The following IQCH variants were observed in gnomAD, a reference collection of about 807,000 sequenced individuals.
IQCH encodes IQ domain-containing protein H.
IQCH carries 98 observed loss-of-function variants against 117.0 expected under a neutral mutation model. The observed-to-expected ratio is 0.84, with a 90% CI of 0.71 to 0.99. IQCH has a LOEUF of 0.99. Ranked by LOEUF, IQCH falls within the 50% of genes least tolerant of loss-of-function variation. The pLI is 0.00. For missense variants in IQCH, 1,102 were observed against 1,243.8 expected (o/e 0.89, Z 1.72); for synonymous variants, 412 against 448.2 (o/e 0.92, Z 1.02).
intron 3 of IQCH, among the ~76,000 whole-genome samples, chr15:67,275,878 T>C (rs1220270243): frequency 6.6e-6 from 1 of 152,176 alleles, no homozygotes. Context: ...AGATCTTGTT[T>C]CAAATAAATA....
chr15:67,354,000 G>A (rs1245999745), intron 6 of IQCH, among the ~76,000 whole-genome samples: 3 of 152,088 alleles, frequency 2.0e-5, no homozygotes, highest in Non-Finnish European at 4.4e-5. Flanking sequence ...ACTCTAATAT[G>A]CCAGAGGGGA....
chr15:67,447,118 G>A lies in IQCH; in HGVS notation c.2506-18009G>A, dbSNP rs754185994. On this transcript the variant is annotated intron_variant, in intron 16 of 20. Transcript: ENST00000335894. The surrounding 1 kb of genome is among the most constrained non-coding windows in gnomAD (Gnocchi z 5.3). Reference sequence around the variant, plus strand: ...GCCGCTGAGCTGTGGAACTTGGCACGTTCTTGGGTTCTTTGAGCCTCAATT... The same window carrying A: ...GCCGCTGAGCTGTGGAACTTGGCACATTCTTGGGTTCTTTGAGCCTCAATT... 9.8e-5 allele frequency among the ~76,000 whole-genome samples: 15 copies of A among 152,334 alleles called. No homozygotes were observed. Among genetic ancestry groups the A allele is most frequent in the African/African-American group, 1.2e-4 (5 of 41,574 alleles).
chr15:67,456,000 A>C (rs1233370064), intron 16 of IQCH, among the ~76,000 whole-genome samples: 1 of 152,258 alleles, frequency 6.6e-6, no homozygotes, highest in Non-Finnish European at 1.5e-5. Context: ...AAATGCTTAA[A>C]AAGAAATGAG....
At chr15:67,311,022 C>T (rs983923947) in intron 4 of IQCH, among the ~76,000 whole-genome samples, 2 of 152,066 alleles carry the variant, frequency 1.3e-5, no homozygotes, top group Non-Finnish European at 2.9e-5. Flanking sequence ...TGTACACTAT[C>T]TTATTTAACC....
At chr15:67,372,774 T>C (rs2140791995) in intron 9 of IQCH, 112 bp downstream of exon 9, 1 of 863,368 alleles carries the variant, frequency 1.2e-6, no homozygotes, top group South Asian at 1.7e-5. Context: ...CTACTCTCCT[T>C]GCCTCAGACT....
chr15:67,304,216 T>C lies in IQCH; in HGVS notation c.387+24704T>C. ...AAATAAAAGATCCAAATATATTTTT[T>C]TCCAGTGAGAATTTCATTAAAATAA... On this transcript the variant is annotated intron_variant, in intron 4 of 20. Transcript: ENST00000335894. 4 of 545,758 alleles carry C rather than the reference T, an allele frequency of 7.3e-6. No individual in the cohort carries two copies. In the South Asian group the frequency reaches 8.1e-5, roughly 11 times the overall value. 33.8% of individuals were successfully genotyped at this position (545,758 alleles called of 1,614,324 possible).
rs959418308 is a variant in IQCH at position 67,496,563 on chromosome 15, C to T, written c.2970+2197C>T. Among the ~76,000 whole-genome samples the T allele has an allele frequency of 3.9e-5, 6 of 151,930 alleles. No individual in the cohort carries two copies. The highest frequency in any genetic ancestry group is 8.8e-5 in the Non-Finnish European group (6 of 67,948). ...TTAGGCAAGAAAAGGAAATAAAAGG[C>T]GCTGGGTGCAGTGGCCCCCACCTGT... On this transcript the variant is annotated intron_variant, in intron 20 of 20. Transcript: ENST00000335894. This position sits in a 1 kb window ranked among gnomAD's most constrained non-coding sequence, Gnocchi z 4.4.
At chr15:67,279,298 A>C (rs1966252400) in intron 3 of IQCH, 97 bp from the exon 4 acceptor site, 3 of 669,492 alleles carry the variant, frequency 4.5e-6, no homozygotes, top group East Asian at 5.8e-5. Flanking sequence ...TTTCCTATAA[A>C]ATATAAGCTT....
chr15:67,340,272 A>C (rs1479584440), intron 5 of IQCH, among the ~76,000 whole-genome samples: 1 of 151,906 alleles, frequency 6.6e-6, no homozygotes, highest in Non-Finnish European at 1.5e-5. Context: ...TACTAAAAAT[A>C]CAAAAATTAG....
Position 67,431,630 on chromosome 15 carries a change from TTAAAAGTTAAAAAAA to T in IQCH, c.2505+10054_2505+10068del, listed in dbSNP as rs2082021003. Reference sequence around the variant, plus strand: ...GCAAACCTGCACACGTACCCCGAACTTAAAAGTTAAAAAAAAACACACATTGTTCTTTATATTTCA... The same window carrying T: ...GCAAACCTGCACACGTACCCCGAACTAACACACATTGTTCTTTATATTTCA... On this transcript the variant is annotated intron_variant, in intron 16 of 20. Coordinates refer to ENST00000335894, the MANE Select transcript of IQCH (RefSeq NM_001031715.3). This position sits in a 1 kb window ranked among gnomAD's most constrained non-coding sequence, Gnocchi z 4.8. Among the ~76,000 whole-genome samples the T allele has an allele frequency of 6.6e-6, 1 of 152,000 alleles. No homozygotes were observed. The highest frequency in any genetic ancestry group is 1.5e-5 in the Non-Finnish European group (1 of 68,000).
chr15:67,288,812 G>A (rs1966656316), intron 4 of IQCH, among the ~76,000 whole-genome samples: 1 of 152,106 alleles, frequency 6.6e-6, no homozygotes, highest in Non-Finnish European at 1.5e-5. Flanking sequence ...AGAATATGTT[G>A]AGGGAGATAG....
rs111809538 is a variant in IQCH, at chr15:67,475,344, G to A, written c.2677-352G>A. ...AATAATAAAGTTAACCAGGTGTGGT[G>A]GCATGCACCTGTAGTCCCAGCTACT... On this transcript the variant is annotated intron_variant, in intron 17 of 20. Transcript: ENST00000335894. The surrounding 1 kb of genome is among the most constrained non-coding windows in gnomAD (Gnocchi z 5.7). Among the ~76,000 whole-genome samples the A allele has an allele frequency of 7.8e-3, 1,180 of 152,192 alleles. 13 individuals carry two copies. Among genetic ancestry groups the A allele is most frequent in the African/African-American group, 0.025 (1,045 of 41,516 alleles).
rs572668661 is a variant in IQCH at position 67,418,888 on chromosome 15, T to G, written c.2218+1837T>G. Among the ~76,000 whole-genome samples the G allele has an allele frequency of 1.1e-4, 16 of 152,078 alleles. No individual in the cohort carries two copies. In the South Asian group the frequency reaches 3.1e-3, roughly 30 times the overall value. On this transcript the variant is annotated intron_variant, in intron 15 of 20. Transcript: ENST00000335894. ...CCACTACGCCCAGCCTAATAAGGTTTTTTTTTTTTTTAAGTTATCGGGGGA... is the reference window on the plus strand; with the variant it reads ...CCACTACGCCCAGCCTAATAAGGTTGTTTTTTTTTTTAAGTTATCGGGGGA...
At chr15:67,307,013 A>C in intron 4 of IQCH, 1 of 1,340,882 alleles carries the variant, frequency 7.5e-7, no homozygotes, top group Non-Finnish European at 9.5e-7. Flanking sequence ...ATCTGTTAAC[A>C]TGAATTTTAA....
intron 3 of IQCH, among the ~76,000 whole-genome samples, chr15:67,271,159 A>G (rs1047062215): frequency 6.6e-6 from 1 of 152,122 alleles, no homozygotes; most frequent in Non-Finnish European, 1.5e-5. Context: ...TAGTAGAGAC[A>G]GGGTTTCACC....
In IQCH at chr15:67,370,400, G is replaced by C. The variant is rs1001204075; in HGVS notation, c.754-1711G>C. 4.6e-5 allele frequency among the ~76,000 whole-genome samples: 7 copies of C among 152,226 alleles called. No homozygotes were observed. The highest frequency in any genetic ancestry group is 1.9e-4 in the East Asian group (1 of 5,200). On this transcript the variant is annotated intron_variant, in intron 8 of 20. Transcript: ENST00000335894. The surrounding 1 kb of genome is among the most constrained non-coding windows in gnomAD (Gnocchi z 5.6). Reference sequence around the variant, plus strand: ...CCATCTGTGATTATTTTGCATGTCTGTTTCTCACTGATGAAGCACTGTCAT... The same window carrying C: ...CCATCTGTGATTATTTTGCATGTCTCTTTCTCACTGATGAAGCACTGTCAT...
At position 67,340,451 on chromosome 15, in the gene IQCH, A is replaced by AAAC. The variant is rs1969113441; in HGVS notation, c.508+3358_508+3359insCAA. On this transcript the variant is annotated intron_variant, in intron 5 of 20. Transcript: ENST00000335894. Reference sequence around the variant, plus strand: ...CAAAAAAAAAAAAAAAAAAAAAAAAAAAAAAAAAAAAAACAGTAACTTGTC... The same window carrying AAAC: ...CAAAAAAAAAAAAAAAAAAAAAAAAAAACAAAAAAAAAAAAACAGTAACTTGTC... Among the ~76,000 whole-genome samples, 3 of 142,472 alleles carry AAAC rather than the reference A, an allele frequency of 2.1e-5. 1 individual carries two copies. The South Asian group carries it at 7.2e-4, about 34-fold the overall frequency. 93.5% of individuals were successfully genotyped at this position (142,472 alleles called of 152,430 possible). A position where few individuals can be genotyped will look rare whatever the true frequency, so the allele number is the denominator to read the frequency against.
rs921001912 is a variant in IQCH at position 67,408,981 on chromosome 15, C to T, written c.2098-7950C>T. Among the ~76,000 whole-genome samples the T allele has an allele frequency of 2.0e-5, 3 of 152,126 alleles. No homozygotes were observed. Among genetic ancestry groups the T allele is most frequent in the Non-Finnish European group, 4.4e-5 (3 of 68,022 alleles). Reference sequence around the variant, plus strand: ...TAAAACCATTTTCCAATGTTAAAAACGTTTCTAAAACACCAGTCACTTGCT... The same window carrying T: ...TAAAACCATTTTCCAATGTTAAAAATGTTTCTAAAACACCAGTCACTTGCT... On this transcript the variant is annotated intron_variant, in intron 14 of 20. Coordinates refer to ENST00000335894, the MANE Select transcript of IQCH (RefSeq NM_001031715.3). The surrounding 1 kb of genome is among the most constrained non-coding windows in gnomAD (Gnocchi z 4.2).
At chr15:67,462,571 T>C (rs1243319289) in intron 16 of IQCH, among the ~76,000 whole-genome samples, 2 of 152,162 alleles carry the variant, frequency 1.3e-5, no homozygotes, top group African/African-American at 4.8e-5. Context: ...ATACTGAGAT[T>C]GAGAAAGCTT....
Sources: allele counts gnomAD v4.1 joint callset (sites outside exome capture counted in the v4.1 genomes callset), GRCh38; gene constraint gnomAD v4.1.1; non-coding constraint Gnocchi (gnomAD v3.1); transcripts MANE v1.5; gene names NCBI Gene and HGNC (gene_info 2026-07-23, HGNC 2026-07-21).